Variants in SACS observed in about 807,000 individuals in gnomAD.
The protein encoded by SACS is sacsin molecular chaperone.
A neutral mutation model predicts 348.0 loss-of-function variants in SACS; 197 were observed. That is an observed-to-expected ratio of 0.57 (90% CI 0.50 to 0.64). The LOEUF (loss-of-function observed/expected upper bound fraction) is 0.64. SACS is among the 30% of genes least tolerant of loss of function. The probability of loss-of-function intolerance (pLI) is 0.00; values close to 1 mark genes in which losing one functional copy is unlikely to be tolerated. For missense variants in SACS, 4,999 were observed against 5,360.8 expected (o/e 0.93, Z 2.11); for synonymous variants, 1,985 against 1,910.6 (o/e 1.04, Z -1.02).
chr13:23,385,234 T>A (rs760438654), intron 2 of SACS, among the ~76,000 whole-genome samples: 10 of 152,170 alleles, frequency 6.6e-5, no homozygotes, highest in Non-Finnish European at 8.8e-5. Context: ...TTTCCATCAC[T>A]TCTGTAGTTA....
Position 23,336,725 on chromosome 13 carries a change from T to C in SACS, c.7151A>G (p.Glu2384Gly). 1 of 1,613,678 alleles carries C rather than the reference T, an allele frequency of 6.2e-7. No individual in the cohort carries two copies. Among genetic ancestry groups the C allele is most frequent in the East Asian group, 2.2e-5 (1 of 44,880 alleles). Residue 2384 changes from glutamate (E) to glycine (G), a missense_variant, in exon 10 of 10, where the codon GAA becomes GGA. By Grantham distance (98) the Glu-to-Gly change is moderately conservative. Transcript: ENST00000382292. ...LPNKYKNNFR[E>G]LFETVGVRQS... ...CCTCACACCCACGGTTTCAAAAAGT[T>C]CGCGGAAATTATTTTTATACTTATT...
chr13:23,352,092 C>T (rs995972489), intron 9 of SACS, among the ~76,000 whole-genome samples: 9 of 152,194 alleles, frequency 5.9e-5, no homozygotes, highest in Non-Finnish European at 1.0e-4. Flanking sequence ...TTGGAAAATG[C>T]TGAGCAAAAA....
At chr13:23,412,992 T>G (rs1056577242) in intron 1 of SACS, among the ~76,000 whole-genome samples, 1 of 152,318 alleles carries the variant, frequency 6.6e-6, no homozygotes, top group Admixed American at 6.5e-5. Context: ...TTTTTTGTTT[T>G]TTGAGAAGGA....
intron 1 of SACS, among the ~76,000 whole-genome samples, chr13:23,426,285 G>C (rs965162640): frequency 2.0e-5 from 3 of 152,194 alleles, no homozygotes; most frequent in Non-Finnish European, 2.9e-5. Flanking sequence ...ATTTGCCCAA[G>C]GTGGTCAGGG....
chr13:23,360,518 C>T (rs1203986589), intron 6 of SACS, among the ~76,000 whole-genome samples: 2 of 151,982 alleles, frequency 1.3e-5, no homozygotes, highest in Non-Finnish European at 2.9e-5. Context: ...AAATTTTCAG[C>T]AGGGGATACA....
At position 23,336,057 on chromosome 13, in the gene SACS, G is replaced by T. The variant is rs753584300; in HGVS notation, c.7819C>A (p.Leu2607Ile). 14 of 1,612,124 alleles carry T rather than the reference G, an allele frequency of 8.7e-6. No homozygotes were observed. The highest frequency in any genetic ancestry group is 1.2e-5 in the Non-Finnish European group (14 of 1,178,392). ...TTTCCCTCTTTCGTGCCTTTTCCAA[G>T]ATTCTGAATTCCTCTAACATCATCT... The part of the protein sequence containing the change: ...TEDDVRGIQN[L>I]GKGTKEGNPY... Residue 2607 changes from leucine to isoleucine, a missense_variant, in exon 10 of 10, where the codon CTT (leucine) becomes ATT (isoleucine). Around this residue, in one of 6 missense-constraint regions of SACS, gnomAD observed 3,156 missense variants for 3,380.1 expected, o/e 0.93. Coordinates refer to ENST00000382292, the MANE Select transcript of SACS (RefSeq NM_014363.6).
intron 1 of SACS, among the ~76,000 whole-genome samples, chr13:23,413,113 G>T (rs9552955): frequency 0.3 from 44,899 of 152,084 alleles, 7,102 homozygotes; most frequent in East Asian, 0.46. Context: ...GAGTAGCTGG[G>T]ATTACAAGCA....
At position 23,333,990 on chromosome 13, in the gene SACS, G is replaced by A. The variant is rs1339330712; in HGVS notation, c.9886C>T (p.Pro3296Ser). The A allele has an allele frequency of 2.5e-6, 4 of 1,613,722 alleles. No homozygotes were observed. Among genetic ancestry groups the A allele is most frequent in the Non-Finnish European group, 3.4e-6 (4 of 1,179,832 alleles). The change falls in exon 10 of 10, where the codon CCT becomes TCT. Residue 3296 changes from proline to serine, a missense_variant. This residue lies in a region of SACS where 734 missense variants were observed against 694.0 expected (regional missense o/e 1.06). Transcript: ENST00000382292. ...AGAGGAAGCAGAACATCTCCTTCAGGAACCACAAGCTGGTTGGCTGAAACA... is the reference window on the plus strand; with the variant it reads ...AGAGGAAGCAGAACATCTCCTTCAGAAACCACAAGCTGGTTGGCTGAAACA... ...FTVSANQLVV[P>S]EGDVLLPLSL...
intron 3 of SACS, among the ~76,000 whole-genome samples, chr13:23,372,781 A>G (rs1266898626): frequency 1.3e-5 from 2 of 152,168 alleles, no homozygotes; most frequent in Admixed American, 6.5e-5. Context: ...AAAGCTTGCC[A>G]ACGTCCTTGG....
chr13:23,336,821 G>A lies in SACS; in HGVS notation c.7055C>T (p.Ala2352Val), dbSNP rs1303053210. The change falls in exon 10 of 10, where the codon GCA (alanine) becomes GTA (valine). Residue 2352 changes from alanine (A) to valine (V), a missense_variant. Around this residue, in one of 6 missense-constraint regions of SACS, gnomAD observed 3,156 missense variants for 3,380.1 expected, o/e 0.93. Transcript: ENST00000382292. The stretch of plus-strand genomic sequence containing the variant: ...AGAAACCTTTTCTGAGTCAACATAT[G>A]CATTCTCAACTAGAATGAAGCTAAA... ...KPFSFILVEN[A>V]YVDSEKVSFH... 6.2e-7 allele frequency: 1 copy of A among 1,612,990 alleles called. No homozygotes were observed. Among genetic ancestry groups the A allele is most frequent in the African/African-American group, 1.3e-5 (1 of 74,860 alleles).
chr13:23,349,422 A>T (rs1869817529), intron 9 of SACS, among the ~76,000 whole-genome samples: 1 of 152,240 alleles, frequency 6.6e-6, no homozygotes, highest in Non-Finnish European at 1.5e-5. Context: ...ATTTTGAAAT[A>T]CTTATGGGAT....
chr13:23,392,438 T>C (rs1872561821), intron 2 of SACS, among the ~76,000 whole-genome samples: 1 of 152,210 alleles, frequency 6.6e-6, no homozygotes, highest in Non-Finnish European at 1.5e-5. Flanking sequence ...ACAGGCACTT[T>C]GGGGTGTGAG....
chr13:23,350,421 T>C (rs1198262985), intron 9 of SACS, among the ~76,000 whole-genome samples: 1 of 152,200 alleles, frequency 6.6e-6, no homozygotes, highest in African/African-American at 2.4e-5. Context: ...AAAGGGGCAG[T>C]AGAAGTAAAC....
intron 2 of SACS, among the ~76,000 whole-genome samples, chr13:23,404,090 T>C (rs1873101764): frequency 6.6e-6 from 1 of 152,240 alleles, no homozygotes; most frequent in Non-Finnish European, 1.5e-5. Flanking sequence ...TCTAATTTGA[T>C]TGCACTGTGG....
intron 1 of SACS, among the ~76,000 whole-genome samples, chr13:23,420,024 T>TGGGACCTGGTGTTCATC (rs1873859069): frequency 7.2e-6 from 1 of 137,954 alleles, no homozygotes; most frequent in Non-Finnish European, 1.7e-5. Context: ...AGGTATCCAT[T>TGGGACCTGGTGTTCATC]TGGGTCCTGA....
At chr13:23,372,467 A>G (rs1216259096) in intron 3 of SACS, among the ~76,000 whole-genome samples, 1 of 152,232 alleles carries the variant, frequency 6.6e-6, no homozygotes, top group East Asian at 1.9e-4. Flanking sequence ...GCAGCTGCCT[A>G]CTGAACATCA....
intron 1 of SACS, among the ~76,000 whole-genome samples, chr13:23,426,003 TCTCATAA>T (rs1447519040): frequency 6.6e-6 from 1 of 152,180 alleles, no homozygotes; most frequent in African/African-American, 2.4e-5. Context: ...CTTATTTCAG[TCTCATAA>T]CAGCCTAGTG....
chr13:23,354,762 G>T lies in SACS; in HGVS notation c.1850C>A (p.Ala617Asp). Residue 617 changes from alanine (A) to aspartate (D), a missense_variant, in exon 8 of 10, where the codon GCC becomes GAC. Ala to Asp is a moderately radical substitution (Grantham distance 126). Coordinates refer to ENST00000382292, the MANE Select transcript of SACS (RefSeq NM_014363.6). Reference protein sequence around the residue: ...NVDAAVQLTAASGTTPVRKVT... With the variant: ...NVDAAVQLTADSGTTPVRKVT... ...CTTCCTCACAGGTGTTGTGCCAGAG[G>T]CAGCTGTGAGCTGAACAGCAGCATC... The T allele has an allele frequency of 1.2e-6, 2 of 1,614,020 alleles. No individual in the cohort carries two copies. The highest frequency in any genetic ancestry group is 4.5e-5 in the East Asian group (2 of 44,874).
Position 23,355,271 on chromosome 13 carries a change from G to A in SACS, c.1341C>T (p.Phe447=). ...TTTCCTCACCAGGTGGTAAAGGAAG[G>A]AAACAAAATGCTTTTCCTGAGAAAT... ...TSDFSGKAFC[F]LPLPPGEESS... is the part of the protein sequence containing the mutation. Residue 447 remains phenylalanine, a synonymous_variant, in exon 8 of 10, where the codon TTC becomes TTT. Transcript: ENST00000382292. The A allele has an allele frequency of 6.2e-7, 1 of 1,614,148 alleles. No individual in the cohort carries two copies. The highest frequency in any genetic ancestry group is 8.5e-7 in the Non-Finnish European group (1 of 1,180,034).
Sources: allele counts gnomAD v4.1 joint callset (sites outside exome capture counted in the v4.1 genomes callset), GRCh38; gene constraint gnomAD v4.1.1; regional missense constraint gnomAD v4.1.1; transcripts MANE v1.5; gene names NCBI Gene and HGNC (gene_info 2026-07-23, HGNC 2026-07-21).